HMGXB3: variants seen among roughly 807,000 people sequenced by gnomAD.
The protein encoded by HMGXB3 is HMG domain-containing protein 3.
A neutral mutation model predicts 121.5 loss-of-function variants in HMGXB3; 45 were observed. The ratio of observed to expected loss-of-function variants is 0.37; its 90% CI spans 0.29 to 0.47. HMGXB3 has a LOEUF of 0.47. Among genes scored for constraint, HMGXB3 ranks in the 20% least tolerant of loss-of-function variants. HMGXB3 has a pLI of 0.99. For synonymous variants in HMGXB3, 590 were observed against 624.1 expected (o/e 0.95, Z 0.81); for missense variants, 1,376 against 1,602.2 (o/e 0.86, Z 2.41).
rs1405750130 is a variant in HMGXB3, at chr5:150,023,770, CA to C, written c.1042-491del. Among the ~76,000 whole-genome samples the C allele has an allele frequency of 3.3e-5, 5 of 152,152 alleles. No individual in the cohort carries two copies. In the South Asian group the frequency reaches 6.2e-4, roughly 19 times the overall value. On this transcript the variant is annotated intron_variant, in intron 6 of 19. Coordinates refer to ENST00000502717, the MANE Select transcript of HMGXB3 (RefSeq NM_014983.3). ...TCCTTAAAGAATCTGGGACAAAAAA[CA>C]GAATTTTTCCCAAAGGAGATGGGAA...
intron 5 of HMGXB3, among the ~76,000 whole-genome samples, chr5:150,018,304 T>C (rs1756005793): frequency 6.6e-6 from 1 of 152,242 alleles, no homozygotes; most frequent in South Asian, 2.1e-4. Context: ...GCTCAATGCA[T>C]AGCAACTATC....
At chr5:150,030,405 A>C (rs1368678890) in intron 9 of HMGXB3, 2 of 189,550 alleles carry the variant, frequency 1.1e-5, no homozygotes, top group Non-Finnish European at 2.2e-5. Context: ...ATAGTCTTTC[A>C]GACATCTTTC....
At chr5:150,047,397 G>T in intron 16 of HMGXB3, 1 of 517,032 alleles carries the variant, frequency 1.9e-6, no homozygotes, top group Non-Finnish European at 3.4e-6. Context: ...TTTTTTCAGT[G>T]GCGGTATGCA....
At chr5:150,042,997 A>C (rs1342756906) in intron 15 of HMGXB3, among the ~76,000 whole-genome samples, 1 of 152,250 alleles carries the variant, frequency 6.6e-6, no homozygotes, top group East Asian at 1.9e-4. Flanking sequence ...TCTGAATAAA[A>C]TAATAGCAAA....
intron 5 of HMGXB3, among the ~76,000 whole-genome samples, chr5:150,016,067 G>A (rs898468854): frequency 3.9e-5 from 6 of 152,222 alleles, no homozygotes; most frequent in South Asian, 2.1e-4. Flanking sequence ...GCATCTGGCC[G>A]GGCACGGTGA....
Position 150,012,277 on chromosome 5 carries a change from C to T in HMGXB3, c.833C>T (p.Ser278Phe), listed in dbSNP as rs1308913733. 3 of 1,552,270 alleles carry T rather than the reference C, an allele frequency of 1.9e-6. No individual in the cohort carries two copies. Among genetic ancestry groups the T allele is most frequent in the South Asian group, 2.4e-5 (2 of 84,062 alleles). The change falls in exon 5 of 20, where the codon TCT becomes TTT. Residue 278 changes from serine (S) to phenylalanine (F), a missense_variant. Physicochemically the swap from Ser to Phe is radical, Grantham distance 155 (BLOSUM62 -2). Coordinates refer to ENST00000502717, the MANE Select transcript of HMGXB3 (RefSeq NM_014983.3). Reference protein sequence around the residue: ...VMRDSSESSSSAPATQFIMLP... With the variant: ...VMRDSSESSSFAPATQFIMLP... ...TAGGATTCCAGTGAGAGTAGCTCCTCTGCACCAGCCACACAGTTCATCATG... is the reference window on the plus strand; with the variant it reads ...TAGGATTCCAGTGAGAGTAGCTCCTTTGCACCAGCCACACAGTTCATCATG...
rs1406836606 is a variant in HMGXB3, at chr5:150,048,556, CCTT to C, written c.3085-10_3085-8del. On this transcript the variant is annotated splice_polypyrimidine_tract_variant and intron_variant, in intron 17 of 19. Coordinates refer to ENST00000502717, the MANE Select transcript of HMGXB3 (RefSeq NM_014983.3). ...TTCGCCCTTATGTTTTTAATCTTGT[CCTT>C]CTACTCCAGGACCAGCTCTGCTTCT... The C allele has an allele frequency of 2.0e-6, 3 of 1,526,648 alleles. No individual in the cohort carries two copies. The highest frequency in any genetic ancestry group is 2.0e-5 in the Admixed American group (1 of 50,960). The allele number at this position is 1,526,648 out of a possible 1,614,324, so 94.6% of individuals were successfully genotyped here.
At chr5:150,016,971 T>G (rs7720460) in intron 5 of HMGXB3, among the ~76,000 whole-genome samples, 39,362 of 152,144 alleles carry the variant, frequency 0.26, 8,442 homozygotes, top group African/African-American at 0.58. Context: ...AACAATATGT[T>G]GTAGATAATA....
intron 4 of HMGXB3, 52 bp from the exon 5 acceptor site, chr5:150,012,203 G>A (rs1755855947): frequency 3.0e-6 from 4 of 1,322,236 alleles, no homozygotes; most frequent in Non-Finnish European, 3.2e-6. Flanking sequence ...TGGCCTGGGT[G>A]TTCTTTATTA....
At position 150,052,029 on chromosome 5, in the gene HMGXB3, C is replaced by T. The variant is rs779851438; in HGVS notation, c.3716C>T (p.Thr1239Ile). 1 of 1,552,100 alleles carries T rather than the reference C, an allele frequency of 6.4e-7. No homozygotes were observed. The highest frequency in any genetic ancestry group is 2.4e-5 in the East Asian group (1 of 40,932). Residue 1239 changes from threonine to isoleucine, a missense_variant, in exon 20 of 20, where the codon ACC (threonine) becomes ATC (isoleucine). Physicochemically the swap from Thr to Ile is moderately conservative, Grantham distance 89 (BLOSUM62 -1). This residue lies in a region of HMGXB3 where 260 missense variants were observed against 233.2 expected (regional missense o/e 1.11). Transcript: ENST00000502717. ...YLYNRLMDFL[T>I]SREIVNRQIH... is the part of the protein sequence containing the mutation. ...TACAACCGCCTCATGGACTTCCTCA[C>T]CAGCCGCGAAATTGTCAATCGTCAG...
At chr5:150,032,747 A>G in intron 11 of HMGXB3, 144 bp downstream of exon 11, 1 of 947,724 alleles carries the variant, frequency 1.1e-6, no homozygotes, top group Non-Finnish European at 1.6e-6. Context: ...TCTGAACCTG[A>G]GCAAGTGCCG....
At chr5:150,012,171 A>G (rs1409617627) in intron 4 of HMGXB3, 84 bp from the exon 5 acceptor site, 22 of 888,410 alleles carry the variant, frequency 2.5e-5, no homozygotes, top group Non-Finnish European at 3.7e-5. Context: ...TATTAAACTT[A>G]ATCCAGGCTT....
At chr5:150,039,948 G>A (rs898847995) in intron 13 of HMGXB3, among the ~76,000 whole-genome samples, 4 of 152,110 alleles carry the variant, frequency 2.6e-5, no homozygotes, top group African/African-American at 4.8e-5. Context: ...AATTGACTGC[G>A]CTTAAATTCC....
In HMGXB3 at chr5:150,024,676, A is replaced by G; in HGVS notation, c.1456A>G (p.Thr486Ala). The change falls in exon 7 of 20, where the codon ACA becomes GCA. Residue 486 changes from threonine (T) to alanine (A), a missense_variant. Coordinates refer to ENST00000502717, the MANE Select transcript of HMGXB3 (RefSeq NM_014983.3). ...TCCACTCCCTGCTCCTAAAAAACCT[A>G]CAGGGTAAGTCAGTGTGTTTGTATA... ...SSPLPAPKKP[T>A]GADLLTPGSR... The G allele has an allele frequency of 1.3e-6, 2 of 1,543,494 alleles. No homozygotes were observed. Among genetic ancestry groups the G allele is most frequent in the Non-Finnish European group, 1.7e-6 (2 of 1,142,944 alleles).
chr5:150,045,197 G>C (rs1756729491), intron 15 of HMGXB3, among the ~76,000 whole-genome samples: 1 of 152,154 alleles, frequency 6.6e-6, no homozygotes, highest in Non-Finnish European at 1.5e-5. Flanking sequence ...TGTAAGACAG[G>C]GAAAATGACA....
At chr5:150,043,993 A>C (rs1484132042) in intron 15 of HMGXB3, among the ~76,000 whole-genome samples, 1 of 152,200 alleles carries the variant, frequency 6.6e-6, no homozygotes, top group Non-Finnish European at 1.5e-5. Flanking sequence ...ACCTCCCTGC[A>C]AAGGTGCCAT....
chr5:150,042,267 T>A (rs182832952), intron 15 of HMGXB3, among the ~76,000 whole-genome samples: 1 of 152,302 alleles, frequency 6.6e-6, no homozygotes, highest in African/African-American at 2.4e-5. Context: ...TGGGAGATAG[T>A]AGTTAAACAA....
intron 5 of HMGXB3, among the ~76,000 whole-genome samples, chr5:150,018,176 T>G (rs1756002551): frequency 6.6e-6 from 1 of 152,232 alleles, no homozygotes; most frequent in Non-Finnish European, 1.5e-5. Context: ...AGCTCTGCCC[T>G]TGATTGATGA....
At chr5:150,021,945 A>G (rs1322096231) in intron 6 of HMGXB3, 1 of 467,384 alleles carries the variant, frequency 2.1e-6, no homozygotes, top group African/African-American at 2.0e-5. Flanking sequence ...TTCCTGACCG[A>G]CTTGTTCCTT....
Sources: allele counts gnomAD v4.1 joint callset (sites outside exome capture counted in the v4.1 genomes callset), GRCh38; gene constraint gnomAD v4.1.1; regional missense constraint gnomAD v4.1.1; transcripts MANE v1.5; gene names NCBI Gene and HGNC (gene_info 2026-07-23, HGNC 2026-07-21).